PTPRK: variants seen among roughly 807,000 people sequenced by gnomAD.
PTPRK encodes the protein protein tyrosine phosphatase receptor type K, also known as receptor-type tyrosine-protein phosphatase kappa.
Under a neutral mutation model 178.0 loss-of-function variants are expected in PTPRK, and 75 were observed. The ratio of observed to expected loss-of-function variants is 0.42; its 90% confidence interval spans 0.35 to 0.51. The LOEUF (loss-of-function observed/expected upper bound fraction) is 0.51, where lower values mean the gene tolerates loss of function less well. Ranked by LOEUF, PTPRK falls within the 20% of genes least tolerant of loss-of-function variation. The pLI is 0.02. For synonymous variants in PTPRK, 637 were observed against 620.6 expected (o/e 1.03, Z -0.39); for missense variants, 1,441 against 1,797.8 (o/e 0.80, Z 3.59).
intron 7 of PTPRK, among the ~76,000 whole-genome samples, chr6:128,161,807 A>G (rs1038053876): frequency 6.6e-6 from 1 of 151,600 alleles, no homozygotes; most frequent in African/African-American, 2.4e-5. Context: ...GGGTGTAATG[A>G]ATGGACAAAT....
intron 7 of PTPRK, among the ~76,000 whole-genome samples, chr6:128,158,397 C>G (rs1798238235): frequency 6.6e-6 from 1 of 151,840 alleles, no homozygotes; most frequent in African/African-American, 2.4e-5. Context: ...TACCCTAGAA[C>G]TTAAAGTATA....
intron 1 of PTPRK, among the ~76,000 whole-genome samples, chr6:128,418,270 T>C (rs1562480868): frequency 6.6e-6 from 1 of 152,220 alleles, no homozygotes; most frequent in South Asian, 2.1e-4. Flanking sequence ...TGGCTTGACC[T>C]AGAGGTCGCA....
chr6:128,299,938 C>G (rs1825271694), intron 3 of PTPRK, among the ~76,000 whole-genome samples: 1 of 151,968 alleles, frequency 6.6e-6, no homozygotes, highest in Non-Finnish European at 1.5e-5. Context: ...AACAGGCAAC[C>G]TACAAAATGG....
chr6:128,343,644 T>C (rs1388203964), intron 2 of PTPRK, among the ~76,000 whole-genome samples: 1 of 152,038 alleles, frequency 6.6e-6, no homozygotes, highest in Non-Finnish European at 1.5e-5. Flanking sequence ...TTCTTAAAGG[T>C]TAACTCTATA....
intron 1 of PTPRK, among the ~76,000 whole-genome samples, chr6:128,433,610 G>A (rs1292502524): frequency 3.3e-5 from 5 of 151,902 alleles, no homozygotes; most frequent in Admixed American, 2.6e-4. Flanking sequence ...CTGCCTCCCA[G>A]GCTCAAGTGA....
chr6:128,470,855 A>C (rs1013304563), intron 1 of PTPRK, among the ~76,000 whole-genome samples: 2 of 151,142 alleles, frequency 1.3e-5, no homozygotes, highest in African/African-American at 4.8e-5. Flanking sequence ...AGGAAAAAAA[A>C]GAAACTATAG....
intron 2 of PTPRK, among the ~76,000 whole-genome samples, chr6:128,349,371 T>C (rs941791798): frequency 6.6e-6 from 1 of 152,120 alleles, no homozygotes; most frequent in African/African-American, 2.4e-5. Context: ...AATGTACAAT[T>C]GCAGATGAAT....
At chr6:128,081,515 AT>A (rs1223995137) in intron 10 of PTPRK, among the ~76,000 whole-genome samples, 5 of 152,016 alleles carry the variant, frequency 3.3e-5, no homozygotes, top group East Asian at 1.9e-4. Context: ...GATTAAAAAA[AT>A]GAAAGACATA....
rs200775864 is a variant in PTPRK, at chr6:128,009,316, A to G, written c.2195-48T>C. 1.3e-3 allele frequency: 2,074 copies of G among 1,562,006 alleles called. 10 individuals are homozygous for G. Among genetic ancestry groups the G allele is most frequent in the Non-Finnish European group, 1.4e-3 (1,646 of 1,151,390 alleles). On this transcript the variant is annotated intron_variant, in intron 13 of 29. Transcript: ENST00000368226. The stretch of plus-strand genomic sequence containing the variant: ...CAGTTACTGAAAGAAGCTAATAATC[A>G]CAGAAAAAAATTATTCCCAGTAATT...
chr6:128,168,991 C>A (rs115394669), intron 7 of PTPRK, among the ~76,000 whole-genome samples: 1 of 152,054 alleles, frequency 6.6e-6, no homozygotes, highest in African/African-American at 2.4e-5. Flanking sequence ...GCAGAAAATA[C>A]TGTGACCTCA....
intron 6 of PTPRK, among the ~76,000 whole-genome samples, chr6:128,185,300 C>G (rs1168968650): frequency 1.3e-5 from 2 of 152,130 alleles, no homozygotes; most frequent in Non-Finnish European, 2.9e-5. Flanking sequence ...TTGGGAGCAG[C>G]ATAAGATAAG....
chr6:128,515,306 T>G (rs1857808013), intron 1 of PTPRK, among the ~76,000 whole-genome samples: 1 of 152,246 alleles, frequency 6.6e-6, no homozygotes, highest in African/African-American at 2.4e-5. Context: ...AAAAATAGCC[T>G]GATTAATGTA....
chr6:128,370,909 C>T (rs768223440), intron 2 of PTPRK, among the ~76,000 whole-genome samples: 6 of 152,064 alleles, frequency 3.9e-5, no homozygotes, highest in Non-Finnish European at 8.8e-5. Flanking sequence ...CATGTTTTCC[C>T]TTTTTGTCCT....
intron 5 of PTPRK, among the ~76,000 whole-genome samples, chr6:128,229,798 G>T (rs1047675097): frequency 2.0e-5 from 3 of 152,134 alleles, no homozygotes; most frequent in African/African-American, 7.2e-5. Flanking sequence ...GAAAAAAAGA[G>T]TAAGTCATCT....
At chr6:128,286,814 G>A (rs1294479830) in intron 3 of PTPRK, among the ~76,000 whole-genome samples, 2 of 152,160 alleles carry the variant, frequency 1.3e-5, no homozygotes, top group Admixed American at 6.5e-5. Context: ...CTTTGTTAGT[G>A]TAGCCTTCAG....
At chr6:128,496,868 A>C (rs762055057) in intron 1 of PTPRK, among the ~76,000 whole-genome samples, 6 of 152,214 alleles carry the variant, frequency 3.9e-5, no homozygotes, top group Non-Finnish European at 7.3e-5. Context: ...TAAACCAAGA[A>C]GACTATAATT....
At chr6:128,042,627 A>C (rs1777384582) in intron 13 of PTPRK, among the ~76,000 whole-genome samples, 1 of 152,096 alleles carries the variant, frequency 6.6e-6, no homozygotes, top group South Asian at 2.1e-4. Context: ...AATGCAGAAT[A>C]ACTTTTCCAT....
At chr6:128,330,764 T>A (rs1584198762) in intron 2 of PTPRK, among the ~76,000 whole-genome samples, 1 of 152,086 alleles carries the variant, frequency 6.6e-6, no homozygotes, top group Admixed American at 6.6e-5. Flanking sequence ...CAACATGATC[T>A]GGTGCCTGCC....
At chr6:128,438,997 CTTTCCA>C (rs1337170010) in intron 1 of PTPRK, among the ~76,000 whole-genome samples, 1 of 152,118 alleles carries the variant, frequency 6.6e-6, no homozygotes, top group Non-Finnish European at 1.5e-5. Flanking sequence ...ACTTAACGTT[CTTTCCA>C]TTAAACAGTG....
Sources: gnomAD v4.1 joint callset for allele counts (sites outside exome capture counted in the v4.1 genomes callset) on GRCh38, gnomAD v4.1.1 for gene constraint, MANE v1.5 for transcripts, NCBI Gene and HGNC (gene_info 2026-07-23, HGNC 2026-07-21) for gene names.